GAREM1: variants seen among roughly 807,000 people sequenced by gnomAD.
The protein encoded by GAREM1 is GRB2-associated and regulator of MAPK protein 1.
GAREM1 carries 26 observed loss-of-function variants against 71.3 expected under a neutral mutation model. That is an observed-to-expected ratio of 0.36 (90% confidence interval 0.27 to 0.51). The LOEUF (loss-of-function observed/expected upper bound fraction) is 0.51. Ranked by LOEUF, GAREM1 falls within the 20% of genes least tolerant of loss-of-function variation. GAREM1 has a pLI of 0.95. For missense variants in GAREM1, 1,026 were observed against 1,103.1 expected, an observed-to-expected ratio of 0.93 and a Z score of 0.99; for synonymous variants, 440 against 433.2, an observed-to-expected ratio of 1.02 and a Z score of -0.20.
intron 4 of GAREM1, among the ~76,000 whole-genome samples, chr18:32,286,169 T>C (rs2047015381): frequency 6.6e-6 from 1 of 152,116 alleles, no homozygotes; most frequent in Admixed American, 6.5e-5. Context: ...AGGTTCAGAG[T>C]GGCTGCCAAT....
At chr18:32,337,120 T>C (rs2047603584) in intron 2 of GAREM1, among the ~76,000 whole-genome samples, 1 of 152,210 alleles carries the variant, frequency 6.6e-6, no homozygotes, top group South Asian at 2.1e-4. Flanking sequence ...TTCAAAACCA[T>C]ACAGAATTAG....
At chr18:32,357,461 T>A (rs2047817516) in intron 2 of GAREM1, among the ~76,000 whole-genome samples, 1 of 152,248 alleles carries the variant, frequency 6.6e-6, no homozygotes, top group Admixed American at 6.5e-5. Flanking sequence ...CTCTGGACCG[T>A]GAGCTCTCCA....
intron 4 of GAREM1, among the ~76,000 whole-genome samples, chr18:32,274,394 C>T (rs1014981257): frequency 2.0e-5 from 3 of 152,156 alleles, no homozygotes; most frequent in Admixed American, 6.5e-5. Context: ...TAAGACTAGA[C>T]GGTCAATCAC....
At chr18:32,395,294 T>C (rs1286719548) in intron 1 of GAREM1, among the ~76,000 whole-genome samples, 1 of 152,212 alleles carries the variant, frequency 6.6e-6, no homozygotes, top group Non-Finnish European at 1.5e-5. Flanking sequence ...TCAACCAATA[T>C]AACAAGCACT....
intron 2 of GAREM1, among the ~76,000 whole-genome samples, chr18:32,391,148 C>T (rs904835831): frequency 5.3e-5 from 8 of 152,124 alleles, no homozygotes; most frequent in South Asian, 2.1e-4. Flanking sequence ...CTGCGGAGGA[C>T]GGCTGAACCC....
chr18:32,293,227 T>C lies in GAREM1; in HGVS notation c.394-5024A>G, dbSNP rs937278828. Among the ~76,000 whole-genome samples the C allele has an allele frequency of 2.0e-5, 3 of 152,086 alleles. No homozygotes were observed. The South Asian group carries it at 6.2e-4, about 32-fold the overall frequency. The stretch of plus-strand genomic sequence containing the variant: ...AAGCAACCAGACACTGCCCAAATCA[T>C]TCCCCACTGAGAGGAACCAGGGCTC... On this transcript the variant is annotated intron_variant, in intron 3 of 5. Coordinates refer to ENST00000269209, the MANE Select transcript of GAREM1 (RefSeq NM_001242409.2).
At chr18:32,297,244 A>G (rs1302235678) in intron 3 of GAREM1, among the ~76,000 whole-genome samples, 1 of 152,226 alleles carries the variant, frequency 6.6e-6, no homozygotes, top group Non-Finnish European at 1.5e-5. Context: ...CAGATACAAT[A>G]CTATCAGCTA....
At chr18:32,466,438 T>C (rs2048999668) in intron 1 of GAREM1, among the ~76,000 whole-genome samples, 1 of 152,226 alleles carries the variant, frequency 6.6e-6, no homozygotes, top group African/African-American at 2.4e-5. Flanking sequence ...TATGAATAGT[T>C]ACAATATGCT....
intron 1 of GAREM1, among the ~76,000 whole-genome samples, chr18:32,463,103 A>C (rs1376322915): frequency 2.0e-5 from 3 of 152,114 alleles, no homozygotes; most frequent in African/African-American, 7.2e-5. Context: ...AAAAAGATAA[A>C]TATTTGAGGT....
chr18:32,412,528 C>T lies in GAREM1; in HGVS notation c.122-19493G>A, dbSNP rs752025018. The T allele has an allele frequency of 1.3e-5, 20 of 1,597,228 alleles. No homozygotes were observed. The African/African-American group carries it at 1.3e-4, about 11-fold the overall frequency. On this transcript the variant is annotated intron_variant, in intron 1 of 5. Coordinates refer to ENST00000269209, the MANE Select transcript of GAREM1 (RefSeq NM_001242409.2). ...CGACCACTGAAGTTTCCTCCATGAC[C>T]GAAGTTGTCATTCCCACCGAAACCA...
At chr18:32,402,714 C>T (rs2048326634) in intron 1 of GAREM1, among the ~76,000 whole-genome samples, 1 of 152,128 alleles carries the variant, frequency 6.6e-6, no homozygotes, top group Non-Finnish European at 1.5e-5. Flanking sequence ...CAGCTGCTAA[C>T]TTTTATTCGG....
chr18:32,418,193 T>C (rs8097937), intron 1 of GAREM1, among the ~76,000 whole-genome samples: 5,706 of 152,238 alleles, frequency 0.037, 359 homozygotes, highest in African/African-American at 0.13. Context: ...TAAAATAGAA[T>C]AATCACATAC....
chr18:32,409,256 C>T (rs905541986), intron 1 of GAREM1, among the ~76,000 whole-genome samples: 5 of 152,086 alleles, frequency 3.3e-5, no homozygotes, highest in Non-Finnish European at 2.9e-5. Flanking sequence ...AACATTTAAG[C>T]CCCTCAAAGA....
intron 2 of GAREM1, among the ~76,000 whole-genome samples, chr18:32,372,741 A>C (rs1598998338): frequency 6.6e-6 from 1 of 152,334 alleles, no homozygotes; most frequent in East Asian, 1.9e-4. Flanking sequence ...TAGTTAGCTG[A>C]ATGGCCACTG....
chr18:32,337,320 C>T (rs1180555741), intron 2 of GAREM1, among the ~76,000 whole-genome samples: 1 of 152,212 alleles, frequency 6.6e-6, no homozygotes, highest in East Asian at 1.9e-4. Flanking sequence ...AAACGTCATC[C>T]TGGCAAAACA....
intron 2 of GAREM1, among the ~76,000 whole-genome samples, chr18:32,378,692 G>A (rs1311018306): frequency 6.6e-6 from 1 of 152,054 alleles, no homozygotes; most frequent in African/African-American, 2.4e-5. Flanking sequence ...GCTGACAAGA[G>A]GGTTAAAGGT....
chr18:32,301,348 C>T (rs1163298079), intron 3 of GAREM1, among the ~76,000 whole-genome samples: 1 of 152,114 alleles, frequency 6.6e-6, no homozygotes, highest in Non-Finnish European at 1.5e-5. Context: ...TTTAAATAAT[C>T]AGAAACTACA....
chr18:32,298,293 C>T (rs1406685357), intron 3 of GAREM1, among the ~76,000 whole-genome samples: 3 of 152,196 alleles, frequency 2.0e-5, no homozygotes, highest in Non-Finnish European at 4.4e-5. Flanking sequence ...TTTGTGGTCA[C>T]TGCCAGTGAC....
chr18:32,332,474 T>C (rs567815194), intron 2 of GAREM1, among the ~76,000 whole-genome samples: 22 of 151,992 alleles, frequency 1.4e-4, no homozygotes, highest in Middle Eastern at 3.4e-3. Flanking sequence ...TACGGAAGGG[T>C]GGCATGCAGA....
Sources: gnomAD v4.1 joint callset for allele counts (sites outside exome capture counted in the v4.1 genomes callset) on GRCh38, gnomAD v4.1.1 for gene constraint, MANE v1.5 for transcripts, NCBI Gene and HGNC (gene_info 2026-07-23, HGNC 2026-07-21) for gene names.